The following RUBCNL variants were observed in gnomAD, a reference collection of about 807,000 sequenced individuals.
RUBCNL encodes the protein rubicon like autophagy enhancer, also known as protein associated with UVRAG as autophagy enhancer.
In RUBCNL, 62 loss-of-function variants were observed where a neutral mutation model predicts 69.5. The ratio of observed to expected loss-of-function variants is 0.89; its 90% CI spans 0.73 to 1.10. RUBCNL has a LOEUF of 1.10. RUBCNL is among the 50% of genes least tolerant of loss of function. The pLI, the probability that RUBCNL is intolerant of heterozygous loss-of-function variation, is 0.00. For synonymous variants in RUBCNL, 291 were observed against 303.6 expected (o/e 0.96, Z 0.43); for missense variants, 768 against 798.1 (o/e 0.96, Z 0.45).
At chr13:46,356,633 A>C (rs1341664730) in intron 9 of RUBCNL, 137 bp from the exon 10 acceptor site, 27 of 694,912 alleles carry the variant, frequency 3.9e-5, no homozygotes, top group South Asian at 2.9e-4. Flanking sequence ...TTGGGAAAGA[A>C]ATAGATTTAT....
At chr13:46,355,269 C>G (rs1400189423) in intron 10 of RUBCNL, among the ~76,000 whole-genome samples, 2 of 150,762 alleles carry the variant, frequency 1.3e-5, no homozygotes, top group African/African-American at 4.9e-5. Context: ...GGGAAACTTG[C>G]ATTTCTGACT....
At chr13:46,349,966 G>A (rs1213527726) in intron 11 of RUBCNL, 147 bp downstream of exon 11, 7 of 652,606 alleles carry the variant, frequency 1.1e-5, no homozygotes, top group African/African-American at 5.5e-5. Flanking sequence ...TTACAGGTGT[G>A]AGCCCCTGCG....
At chr13:46,385,218 C>T in intron 1 of RUBCNL, 1 of 922,196 alleles carries the variant, frequency 1.1e-6, no homozygotes, top group Non-Finnish European at 1.3e-6. Flanking sequence ...TGCAGAAAGA[C>T]TTTCAGTTCA....
At chr13:46,365,302 C>CAAA (rs34280215) in intron 5 of RUBCNL, among the ~76,000 whole-genome samples, 17 of 59,426 alleles carry the variant, frequency 2.9e-4, no homozygotes, top group African/African-American at 3.4e-4. Flanking sequence ...GACTCCATCT[C>CAAA]AAAAAAAAAA....
At chr13:46,387,975 G>T, upstream of RUBCNL, 1 of 418,190 alleles carries the variant, frequency 2.4e-6, no homozygotes, top group Non-Finnish European at 3.2e-6. Context: ...ACTTTGGGAG[G>T]CCAAGTCGGA....
intron 5 of RUBCNL, among the ~76,000 whole-genome samples, chr13:46,364,660 T>TC (rs1377197037): frequency 6.7e-6 from 1 of 149,692 alleles, no homozygotes; most frequent in Non-Finnish European, 1.5e-5. Context: ...GAAACATTGC[T>TC]CACCCTCAGT....
rs970155052 is a variant in RUBCNL at position 46,338,539 on chromosome 13, G to A, written c.*4846C>T. On this transcript the variant is annotated 3_prime_UTR_variant, in exon 15 of 15. Transcript: ENST00000429979. ...CTCCATTTGATCTAACAGGAGGGGT[G>A]GGGGCTTTGGGTGCGCTTGCCCTTT... 2.6e-5 allele frequency among the ~76,000 whole-genome samples: 4 copies of A among 152,104 alleles called. No homozygotes were observed. The highest frequency in any genetic ancestry group is 4.4e-5 in the Non-Finnish European group (3 of 68,022).
intron 1 of RUBCNL, among the ~76,000 whole-genome samples, chr13:46,379,844 T>C (rs1162573741): frequency 6.6e-6 from 1 of 152,234 alleles, no homozygotes; most frequent in Non-Finnish European, 1.5e-5. Context: ...GATCTACTTC[T>C]CTTCATGCTT....
At chr13:46,385,294 A>G in intron 1 of RUBCNL, 1 of 981,978 alleles carries the variant, frequency 1.0e-6, no homozygotes, top group African/African-American at 1.7e-5. Flanking sequence ...GTCATCTTTC[A>G]GCTCCTTTTA....
intron 1 of RUBCNL, among the ~76,000 whole-genome samples, chr13:46,381,612 C>T (rs751341170): frequency 2.0e-5 from 3 of 152,176 alleles, no homozygotes; most frequent in South Asian, 2.1e-4. Flanking sequence ...GACGGAGTTT[C>T]GCTCTTGTTG....
At chr13:46,343,641 C>T (rs73188875) in intron 14 of RUBCNL, 144 bp from the exon 15 acceptor site, 30,875 of 775,032 alleles carry the variant, frequency 0.04, 824 homozygotes, top group Non-Finnish European at 0.048. Flanking sequence ...CAGGCTGAAA[C>T]GCACGTTTCA....
rs957337006 is a variant in RUBCNL, at chr13:46,335,101, G to A, written c.*8284C>T. Among the ~76,000 whole-genome samples the A allele has an allele frequency of 8.6e-5, 13 of 151,498 alleles. No individual in the cohort carries two copies. Among genetic ancestry groups the A allele is most frequent in the African/African-American group, 3.2e-4 (13 of 41,206 alleles). On this transcript the variant is annotated 3_prime_UTR_variant, in exon 15 of 15. Transcript: ENST00000429979. ...TTTTTTTGAGATGGGGTCTCACTCT[G>A]TCACCCAGGCTGGAATGCAGTGGCG...
chr13:46,387,107 T>C (rs941069752), intron 1 of RUBCNL, 27 bp downstream of exon 1: 43 of 985,224 alleles, frequency 4.4e-5, no homozygotes, highest in Admixed American at 6.2e-5. Context: ...GCCGCTCCCA[T>C]CTCGCCCCCG....
At position 46,375,585 on chromosome 13, in the gene RUBCNL, T is replaced by C. The variant is rs554293064; in HGVS notation, c.-123+2305A>G. On this transcript the variant is annotated intron_variant, in intron 2 of 14. Coordinates refer to ENST00000429979, the MANE Select transcript of RUBCNL (RefSeq NM_025113.5). The stretch of plus-strand genomic sequence containing the variant: ...AAGACCTCTGTGGCAGATATAACTG[T>C]TCTATTAATGGGGCAGAATTACTCA... Among the ~76,000 whole-genome samples the C allele has an allele frequency of 3.3e-4, 50 of 152,300 alleles. 1 individual carries two copies. The South Asian group carries it at 3.7e-3, about 11-fold the overall frequency.
rs1052651268 is a variant in RUBCNL, at chr13:46,342,704, G to C, written c.*681C>G. ...GCATCCCTTGACATTGCAGTGTGTG[G>C]AACAGAGATGACAAATACAGGTTCA... On this transcript the variant is annotated 3_prime_UTR_variant, in exon 15 of 15. Transcript: ENST00000429979. 6.6e-6 allele frequency: 1 copy of C among 152,370 alleles called. No homozygotes were observed. The highest frequency in any genetic ancestry group is 1.9e-4 in the East Asian group (1 of 5,194). The allele number at this position is 152,370 out of a possible 1,614,324, so 9.4% of individuals were successfully genotyped here.
chr13:46,348,095 G>GT (rs1336422252), intron 12 of RUBCNL, among the ~76,000 whole-genome samples: 1 of 152,182 alleles, frequency 6.6e-6, no homozygotes, highest in Admixed American at 6.5e-5. Context: ...GACAAATACT[G>GT]TAAGATTCCT....
rs985787053 is a variant in RUBCNL, at chr13:46,334,841, C to T, written c.*8544G>A. Among the ~76,000 whole-genome samples the T allele has an allele frequency of 2.0e-5, 3 of 152,140 alleles. No homozygotes were observed. Among genetic ancestry groups the T allele is most frequent in the African/African-American group, 7.2e-5 (3 of 41,414 alleles). On this transcript the variant is annotated 3_prime_UTR_variant, in exon 15 of 15. Coordinates refer to ENST00000429979, the MANE Select transcript of RUBCNL (RefSeq NM_025113.5). ...CCGGAGTCTTAAGAAATTTGAGCAACTTATCACAAATCACAGGACTAGAAG... is the reference window on the plus strand; with the variant it reads ...CCGGAGTCTTAAGAAATTTGAGCAATTTATCACAAATCACAGGACTAGAAG...
In RUBCNL at chr13:46,372,288, G is replaced by A. The variant is rs763601167; in HGVS notation, c.188C>T (p.Pro63Leu). Residue 63 changes from proline to leucine, a missense_variant, in exon 3 of 15, where the codon CCG becomes CTG. Coordinates refer to ENST00000429979, the MANE Select transcript of RUBCNL (RefSeq NM_025113.5). ...WINPQDVQQQ[P>L]QDLQSQVPAA... is the part of the protein sequence containing the mutation. ...TGGCACCTGAGATTGCAAGTCCTGC[G>A]GCTGTTGCTGCACATCCTGGGGGTT... The A allele has an allele frequency of 1.2e-5, 19 of 1,613,854 alleles. No individual in the cohort carries two copies. The highest frequency in any genetic ancestry group is 2.2e-5 in the East Asian group (1 of 44,890).
chr13:46,383,821 T>G (rs1452576682), intron 1 of RUBCNL, among the ~76,000 whole-genome samples: 1 of 152,150 alleles, frequency 6.6e-6, no homozygotes, highest in East Asian at 1.9e-4. Flanking sequence ...ATGGAGTGAA[T>G]AATGAATTGT....
Sources: allele counts gnomAD v4.1 joint callset (sites outside exome capture counted in the v4.1 genomes callset), GRCh38; gene constraint gnomAD v4.1.1; transcripts MANE v1.5; gene names NCBI Gene and HGNC (gene_info 2026-07-23, HGNC 2026-07-21).